The following KIAA1671 variants were observed in gnomAD, a reference collection of about 807,000 sequenced individuals.
KIAA1671 encodes the protein KIAA1671, also known as uncharacterized protein KIAA1671.
Under a neutral mutation model 131.2 loss-of-function variants are expected in KIAA1671, and 52 were observed. The ratio of observed to expected loss-of-function variants is 0.40; its 90% confidence interval spans 0.32 to 0.50. KIAA1671 has a LOEUF of 0.50. Among genes scored for constraint, KIAA1671 ranks in the 20% least tolerant of loss-of-function variants. KIAA1671 has a pLI of 0.73. For synonymous variants in KIAA1671, 1,003 were observed against 961.6 expected (o/e 1.04, Z -0.80); for missense variants, 2,360 against 2,364.2 (o/e 1.00, Z 0.04).
At chr22:25,079,030 C>T (rs945962461) in intron 6 of KIAA1671, among the ~76,000 whole-genome samples, 5 of 152,148 alleles carry the variant, frequency 3.3e-5, no homozygotes, top group African/African-American at 4.8e-5. Flanking sequence ...GCAACTTCCT[C>T]GTGGGTTGGC....
chr22:25,092,456 G>A (rs906975883), intron 6 of KIAA1671, among the ~76,000 whole-genome samples: 2 of 152,218 alleles, frequency 1.3e-5, no homozygotes, highest in African/African-American at 4.8e-5. Context: ...GGCAGAATAT[G>A]TAGAGTTTAT....
chr22:24,991,889 C>T (rs1923858547), intron 1 of KIAA1671, among the ~76,000 whole-genome samples: 3 of 152,022 alleles, frequency 2.0e-5, no homozygotes, highest in African/African-American at 7.3e-5. Flanking sequence ...ATAAGCGTGG[C>T]GTGTGTGCTT....
intron 1 of KIAA1671, among the ~76,000 whole-genome samples, chr22:24,987,572 C>G (rs996285505): frequency 2.0e-5 from 3 of 152,102 alleles, no homozygotes; most frequent in Non-Finnish European, 4.4e-5. Context: ...GCTCAAGTGA[C>G]CTTCTTTCCT....
intron 6 of KIAA1671, among the ~76,000 whole-genome samples, chr22:25,097,430 A>G (rs1310373782): frequency 6.6e-6 from 1 of 152,192 alleles, no homozygotes; most frequent in Admixed American, 6.5e-5. Flanking sequence ...GTGAACCAAG[A>G]AGGAGTTTTG....
At position 25,093,814 on chromosome 22, in the gene KIAA1671, CTCTCTCTCTT is replaced by C. The variant is rs1568951450; in HGVS notation, c.4530+44460_4530+44469del. The stretch of plus-strand genomic sequence containing the variant: ...TCTCTCTCTCTCTCTCTCTCTCTGT[CTCTCTCTCTT>C]TCTCTCTCTGTCTGTCTCTCTCTCT... On this transcript the variant is annotated intron_variant, in intron 6 of 12. Transcript: ENST00000358431. Among the ~76,000 whole-genome samples, 19 of 121,318 alleles carry C rather than the reference CTCTCTCTCTT, an allele frequency of 1.6e-4. 1 individual carries two copies. Among genetic ancestry groups the C allele is most frequent in the African/African-American group, 3.5e-4 (11 of 30,998 alleles). 79.6% of individuals were successfully genotyped at this position (121,318 alleles called of 152,430 possible).
At position 25,028,126 on chromosome 22, in the gene KIAA1671, C is replaced by T. The variant is rs955866452; in HGVS notation, c.127C>T (p.Pro43Ser). 2.4e-5 allele frequency: 37 copies of T among 1,551,038 alleles called. No individual in the cohort carries two copies. The Middle Eastern group carries it at 1.3e-3, about 56-fold the overall frequency. The change falls in exon 3 of 13, where the codon CCC becomes TCC. Residue 43 changes from proline to serine, a missense_variant. By Grantham distance (74) the Pro-to-Ser change is moderately conservative. Transcript: ENST00000358431. Reference protein sequence around the residue: ...FLQAGEASGAPPARILEAKSP... With the variant: ...FLQAGEASGASPARILEAKSP... ...CCAGGCCGGCGAAGCCTCTGGGGCT[C>T]CCCCAGCCCGGATCTTGGAAGCGAA...
intron 6 of KIAA1671, among the ~76,000 whole-genome samples, chr22:25,139,488 C>G (rs1932775167): frequency 6.6e-6 from 1 of 152,226 alleles, no homozygotes; most frequent in African/African-American, 2.4e-5. Flanking sequence ...TTAGTTTCCC[C>G]TTCCATCCAG....
At chr22:25,181,993 T>C (rs938638527) in intron 10 of KIAA1671, among the ~76,000 whole-genome samples, 170 bp downstream of exon 10, 3 of 152,016 alleles carry the variant, frequency 2.0e-5, no homozygotes, top group Admixed American at 6.6e-5. Context: ...CTGGATAACA[T>C]GGTGAAACCC....
intron 1 of KIAA1671, among the ~76,000 whole-genome samples, chr22:24,988,735 C>CAAAAA (rs133092): frequency 3.8e-5 from 4 of 106,514 alleles, no homozygotes; most frequent in African/African-American, 1.4e-4. Context: ...GACTCCATCT[C>CAAAAA]AAAAAAAAAA....
At chr22:25,003,936 GC>G (rs1924604936) in intron 1 of KIAA1671, among the ~76,000 whole-genome samples, 1 of 151,280 alleles carries the variant, frequency 6.6e-6, no homozygotes, top group Non-Finnish European at 1.5e-5. Context: ...TCCTGCCTCA[GC>G]CTCCTGAGTA....
intron 6 of KIAA1671, among the ~76,000 whole-genome samples, chr22:25,143,271 A>G (rs1465489425): frequency 1.3e-5 from 2 of 152,206 alleles, no homozygotes; most frequent in African/African-American, 4.8e-5. Context: ...GTTAGGAAGG[A>G]AACAGATGGA....
At chr22:25,071,605 T>TGAGCCG (rs1601283962) in intron 6 of KIAA1671, among the ~76,000 whole-genome samples, 2 of 151,528 alleles carry the variant, frequency 1.3e-5, no homozygotes, top group African/African-American at 4.8e-5. Context: ...AAGTCTCCAA[T>TGAGCCG]AATCGTATTT....
intron 6 of KIAA1671, among the ~76,000 whole-genome samples, chr22:25,115,217 G>A (rs1278483153): frequency 5.3e-5 from 8 of 152,184 alleles, no homozygotes; most frequent in Admixed American, 6.5e-5. Context: ...AGGTTTAGCC[G>A]AGGAGACAAG....
intron 1 of KIAA1671, among the ~76,000 whole-genome samples, chr22:25,018,035 C>T (rs1281862285): frequency 2.0e-5 from 3 of 152,022 alleles, no homozygotes; most frequent in South Asian, 2.1e-4. Context: ...TCCTCCTCCT[C>T]CTCCTCCTCT....
intron 6 of KIAA1671, among the ~76,000 whole-genome samples, chr22:25,076,129 G>A (rs528699555): frequency 1.3e-5 from 2 of 152,296 alleles, no homozygotes; most frequent in South Asian, 4.1e-4. Flanking sequence ...AATCTGCCAT[G>A]TTATTTAAAA....
rs1934816336 is a variant in KIAA1671, at chr22:25,196,044, T to C, written c.*3643T>C. 1 of 152,146 alleles carries C rather than the reference T, an allele frequency of 6.6e-6. No homozygotes were observed. Among genetic ancestry groups the C allele is most frequent in the African/African-American group, 2.4e-5 (1 of 41,430 alleles). The allele number at this position is 152,146 out of a possible 1,614,324, so 9.4% of individuals were successfully genotyped here. On this transcript the variant is annotated 3_prime_UTR_variant, in exon 13 of 13. Transcript: ENST00000358431. The stretch of plus-strand genomic sequence containing the variant: ...TAAGAGGCTGCTAGGACTCACCCAG[T>C]TGGAATTCTGGGTGGGCTCAGGAAG...
chr22:25,020,255 G>A (rs1925589995), intron 1 of KIAA1671, among the ~76,000 whole-genome samples: 1 of 152,052 alleles, frequency 6.6e-6, no homozygotes, highest in African/African-American at 2.4e-5. Context: ...TTAATCATTT[G>A]AACAGCACAA....
intron 6 of KIAA1671, among the ~76,000 whole-genome samples, chr22:25,098,976 C>G (rs1930519609): frequency 6.6e-6 from 1 of 152,104 alleles, no homozygotes; most frequent in Non-Finnish European, 1.5e-5. Context: ...AAGTGGAGAC[C>G]ATTCCTCACA....
intron 6 of KIAA1671, among the ~76,000 whole-genome samples, chr22:25,162,076 G>A (rs914370686): frequency 1.1e-4 from 16 of 152,142 alleles, no homozygotes; most frequent in Admixed American, 4.6e-4. Flanking sequence ...GACTCCCTGG[G>A]CCTCAGTCTC....
Sources: gnomAD v4.1 joint callset for allele counts (sites outside exome capture counted in the v4.1 genomes callset) on GRCh38, gnomAD v4.1.1 for gene constraint, MANE v1.5 for transcripts, NCBI Gene and HGNC (gene_info 2026-07-23, HGNC 2026-07-21) for gene names.